Variants in SCHIP1 observed in about 807,000 individuals in gnomAD.
The protein encoded by SCHIP1 is schwannomin interacting protein 1.
Under a neutral mutation model 29.7 loss-of-function variants are expected in SCHIP1, and 8 were observed. The ratio of observed to expected loss-of-function variants is 0.27; its 90% CI spans 0.16 to 0.49. The LOEUF is 0.49. Among genes scored for constraint, SCHIP1 ranks in the 20% least tolerant of loss-of-function variants. The pLI, the probability that SCHIP1 is intolerant of heterozygous loss-of-function variation, is 0.99. For missense variants in SCHIP1, 193 were observed against 294.6 expected, an observed-to-expected ratio of 0.66 and a Z score of 2.52; for synonymous variants, 76 against 94.9, an observed-to-expected ratio of 0.80 and a Z score of 1.16.
the SCHIP1 span, among the ~76,000 whole-genome samples, chr3:159,816,618 C>T: frequency 6.6e-6 from 1 of 152,180 alleles, no homozygotes; most frequent in Admixed American, 6.5e-5. Context: ...AATCTACCTA[C>T]CTGACTGCCT....
chr3:159,618,450 A>G, the SCHIP1 span, among the ~76,000 whole-genome samples: 5 of 150,900 alleles, frequency 3.3e-5, no homozygotes, highest in Non-Finnish European at 7.3e-5. Context: ...TGTTTAGAAA[A>G]CATATGTATG....
chr3:159,626,089 T>TATAGATAGATAG, the SCHIP1 span, among the ~76,000 whole-genome samples: 34 of 98,112 alleles, frequency 3.5e-4, no homozygotes, highest in South Asian at 6.5e-4. Context: ...GTGCAGCTTA[T>TATAGATAGATAG]ATAGATAGAT....
chr3:159,634,681 T>C, the SCHIP1 span, among the ~76,000 whole-genome samples: 1 of 152,240 alleles, frequency 6.6e-6, no homozygotes, highest in Non-Finnish European at 1.5e-5. Flanking sequence ...TGCAGGTTGT[T>C]CTCAGATTTG....
At chr3:159,292,444 A>T in the SCHIP1 span, among the ~76,000 whole-genome samples, 1 of 152,192 alleles carries the variant, frequency 6.6e-6, no homozygotes, top group South Asian at 2.1e-4. Flanking sequence ...ATTCCTCATT[A>T]TAATGATATG....
chr3:159,402,409 G>C, the SCHIP1 span, among the ~76,000 whole-genome samples: 3 of 152,148 alleles, frequency 2.0e-5, no homozygotes, highest in Non-Finnish European at 2.9e-5. Flanking sequence ...AATATCATTT[G>C]ACCCAGCCAT....
chr3:159,334,560 C>G, the SCHIP1 span, among the ~76,000 whole-genome samples: 1 of 152,234 alleles, frequency 6.6e-6, no homozygotes, highest in Admixed American at 6.5e-5. Flanking sequence ...CCAAAATTTC[C>G]TCATGCTGCC....
intron 1 of SCHIP1, among the ~76,000 whole-genome samples, chr3:159,854,637 A>G (rs1212740155): frequency 6.6e-6 from 1 of 152,184 alleles, no homozygotes; most frequent in Non-Finnish European, 1.5e-5. Context: ...GATGTGCAAA[A>G]GATGCTTGGG....
the SCHIP1 span, among the ~76,000 whole-genome samples, chr3:159,659,698 G>T: frequency 6.6e-6 from 1 of 152,138 alleles, no homozygotes; most frequent in African/African-American, 2.4e-5. Context: ...CCTTGTTAAT[G>T]AATCATGCCT....
At chr3:159,716,727 A>C in the SCHIP1 span, among the ~76,000 whole-genome samples, 1 of 152,238 alleles carries the variant, frequency 6.6e-6, no homozygotes, top group African/African-American at 2.4e-5. Flanking sequence ...AGGAGCACCC[A>C]GATTCGTAAA....
chr3:159,344,396 C>T, the SCHIP1 span, among the ~76,000 whole-genome samples: 2 of 150,772 alleles, frequency 1.3e-5, no homozygotes, highest in African/African-American at 2.4e-5. Context: ...AGTATGAAAA[C>T]AGTGGAGAAA....
chr3:159,455,698 C>T, the SCHIP1 span, among the ~76,000 whole-genome samples: 1 of 152,186 alleles, frequency 6.6e-6, no homozygotes, highest in Admixed American at 6.5e-5. Flanking sequence ...GTTCTTATTT[C>T]ACATTCAGAG....
the SCHIP1 span, among the ~76,000 whole-genome samples, chr3:159,474,116 A>G: frequency 6.6e-6 from 1 of 152,142 alleles, no homozygotes; most frequent in African/African-American, 2.4e-5. Context: ...TTTTTCAATA[A>G]TAATTATTCT....
the SCHIP1 span, among the ~76,000 whole-genome samples, chr3:159,367,163 C>G: frequency 6.6e-6 from 1 of 152,110 alleles, no homozygotes; most frequent in Non-Finnish European, 1.5e-5. Context: ...GAGGCCAAGG[C>G]GGGCGGATCA....
the SCHIP1 span, among the ~76,000 whole-genome samples, chr3:159,497,324 T>A: frequency 6.6e-6 from 1 of 152,054 alleles, no homozygotes; most frequent in Admixed American, 6.6e-5. Flanking sequence ...TTGATACCAC[T>A]CTTTATCAAT....
At chr3:159,621,549 C>T in the SCHIP1 span, among the ~76,000 whole-genome samples, 13 of 152,298 alleles carry the variant, frequency 8.5e-5, no homozygotes, top group South Asian at 1.7e-3. Flanking sequence ...CCCAATGAGG[C>T]TGCTAATCCT....
At chr3:159,773,131 T>C in the SCHIP1 span, among the ~76,000 whole-genome samples, 1 of 152,202 alleles carries the variant, frequency 6.6e-6, no homozygotes, top group African/African-American at 2.4e-5. Flanking sequence ...CTTTTGAAAA[T>C]CGGTCCTTAG....
the SCHIP1 span, among the ~76,000 whole-genome samples, chr3:159,453,466 G>A: frequency 2.6e-5 from 4 of 152,136 alleles, no homozygotes; most frequent in Non-Finnish European, 4.4e-5. Flanking sequence ...CTGAGGCAAA[G>A]TGCTTTAATT....
chr3:159,815,172 C>A, the SCHIP1 span, among the ~76,000 whole-genome samples: 6 of 152,178 alleles, frequency 3.9e-5, no homozygotes, highest in African/African-American at 1.2e-4. Context: ...AAATTAGACT[C>A]TCTTGATTAC....
At chr3:159,579,644 G>A in the SCHIP1 span, among the ~76,000 whole-genome samples, 2 of 152,156 alleles carry the variant, frequency 1.3e-5, no homozygotes, top group African/African-American at 4.8e-5. Context: ...AGTGTGGCAA[G>A]GTCTTAGCTC....
Sources: gnomAD v4.1 joint callset for allele counts (sites outside exome capture counted in the v4.1 genomes callset) on GRCh38, gnomAD v4.1.1 for gene constraint, MANE v1.5 for transcripts, NCBI Gene and HGNC (gene_info 2026-07-23, HGNC 2026-07-21) for gene names.